Variants in STK24 observed in about 807,000 individuals in gnomAD.
STK24 encodes the protein serine/threonine-protein kinase 24.
A neutral mutation model predicts 55.6 loss-of-function variants in STK24; 21 were observed. The observed-to-expected ratio is 0.38, with a 90% CI of 0.27 to 0.54. The LOEUF is 0.54. Among genes scored for constraint, STK24 ranks in the 20% least tolerant of loss-of-function variants. The probability of loss-of-function intolerance (pLI) is 0.79; values close to 1 mark genes in which losing one functional copy is unlikely to be tolerated. For synonymous variants in STK24, 200 were observed against 215.2 expected, an observed-to-expected ratio of 0.93 and a Z score of 0.62; for missense variants, 383 against 538.4, an observed-to-expected ratio of 0.71 and a Z score of 2.86.
chr13:98,528,461 C>G (rs141494852), intron 1 of STK24, among the ~76,000 whole-genome samples: 106 of 152,260 alleles, frequency 7.0e-4, no homozygotes, highest in African/African-American at 2.5e-3. Context: ...AGGAGAAAAC[C>G]CAAGTGCGAA....
chr13:98,501,395 G>A (rs928515122), intron 2 of STK24, among the ~76,000 whole-genome samples: 13 of 152,160 alleles, frequency 8.5e-5, no homozygotes, highest in East Asian at 1.9e-4. Context: ...CAGGGGCAGC[G>A]AGAGAGACTC....
intron 1 of STK24, among the ~76,000 whole-genome samples, chr13:98,568,907 G>A (rs1202028383): frequency 6.6e-6 from 1 of 152,092 alleles, no homozygotes; most frequent in Non-Finnish European, 1.5e-5. Flanking sequence ...GAGGGCCGAT[G>A]CAGAAGGTTC....
chr13:98,555,735 C>G (rs1204733288), intron 1 of STK24, among the ~76,000 whole-genome samples: 1 of 128,568 alleles, frequency 7.8e-6, no homozygotes, highest in Admixed American at 8.3e-5. Context: ...GACTGGAGTG[C>G]AGTGGCGCAA....
Position 98,560,830 on chromosome 13 carries a change from G to A in STK24, c.42+15915C>T, listed in dbSNP as rs549677486. ...CAGGAGACAGAGGTTGCAGTGAGCCGAGATCACGCCACTGCACTCCACTCC... is the reference window on the plus strand; with the variant it reads ...CAGGAGACAGAGGTTGCAGTGAGCCAAGATCACGCCACTGCACTCCACTCC... On this transcript the variant is annotated intron_variant, in intron 1 of 10. Coordinates refer to ENST00000539966, the MANE Select transcript of STK24 (RefSeq NM_001032296.4). Among the ~76,000 whole-genome samples, 247 of 151,256 alleles carry A rather than the reference G, an allele frequency of 1.6e-3. 1 individual carries two copies. The highest frequency in any genetic ancestry group is 5.4e-3 in the African/African-American group (224 of 41,134).
intron 1 of STK24, among the ~76,000 whole-genome samples, chr13:98,554,717 T>C (rs1897241954): frequency 6.6e-6 from 1 of 152,092 alleles, no homozygotes; most frequent in African/African-American, 2.4e-5. Flanking sequence ...CATTCAAATA[T>C]TAAAGAAAAT....
intron 2 of STK24, among the ~76,000 whole-genome samples, chr13:98,497,521 G>A (rs534648335): frequency 2.0e-5 from 3 of 152,190 alleles, no homozygotes; most frequent in Non-Finnish European, 4.4e-5. Flanking sequence ...AGAGAGGTCA[G>A]AACCTCTTGT....
chr13:98,513,838 G>A (rs533652770), intron 2 of STK24, among the ~76,000 whole-genome samples: 2 of 152,286 alleles, frequency 1.3e-5, no homozygotes, highest in East Asian at 3.9e-4. Flanking sequence ...TGAGGCATAG[G>A]AGAGTTCACC....
chr13:98,525,854 C>G (rs1659126932), intron 1 of STK24, among the ~76,000 whole-genome samples: 1 of 152,210 alleles, frequency 6.6e-6, no homozygotes, highest in South Asian at 2.1e-4. Flanking sequence ...CTGACACATC[C>G]CATGCAGGGT....
rs567392225 is a variant in STK24 at position 98,466,572 on chromosome 13, A to G, written c.598-11T>C. ...GGACCAGATGTCTGCCTGCAACAAG[A>G]AAAGCATCTTTACAAACACCAAGCA... On this transcript the variant is annotated splice_polypyrimidine_tract_variant and intron_variant, in intron 5 of 10. Coordinates refer to ENST00000539966, the MANE Select transcript of STK24 (RefSeq NM_001032296.4). 4 of 1,612,140 alleles carry G rather than the reference A, an allele frequency of 2.5e-6. No individual in the cohort carries two copies. The highest frequency in any genetic ancestry group is 2.7e-5 in the African/African-American group (2 of 75,018).
At chr13:98,500,972 C>T (rs1334429870) in intron 2 of STK24, among the ~76,000 whole-genome samples, 2 of 151,912 alleles carry the variant, frequency 1.3e-5, no homozygotes, top group African/African-American at 2.4e-5. Flanking sequence ...AAAACATGCG[C>T]GTCCATGTCA....
intron 3 of STK24, 91 bp downstream of exon 3, chr13:98,482,174 A>G (rs1291631643): frequency 6.0e-6 from 4 of 670,054 alleles, no homozygotes; most frequent in Non-Finnish European, 9.6e-6. Context: ...AAAGAAAGAA[A>G]AAGAAATGGA....
chr13:98,448,054 G>C lies in STK24; in HGVS notation c.*5119C>G, dbSNP rs1203374267. 4 of 618,398 alleles carry C rather than the reference G, an allele frequency of 6.5e-6. No homozygotes were observed. The highest frequency in any genetic ancestry group is 5.5e-5 in the East Asian group (2 of 36,068). The allele number at this position is 618,398 out of a possible 1,614,324, so 38.3% of individuals were successfully genotyped here. A position where few individuals can be genotyped will look rare whatever the true frequency, so the allele number is the denominator to read the frequency against. On this transcript the variant is annotated 3_prime_UTR_variant, in exon 11 of 11. Coordinates refer to ENST00000539966, the MANE Select transcript of STK24 (RefSeq NM_001032296.4). ...CCACACTGAGTGAGTGCCCAGGCCAGTGGGTCTCCACTGTACCTCAGGAAC... is the reference window on the plus strand; with the variant it reads ...CCACACTGAGTGAGTGCCCAGGCCACTGGGTCTCCACTGTACCTCAGGAAC...
At chr13:98,527,653 GC>G (rs887153533) in intron 1 of STK24, among the ~76,000 whole-genome samples, 23 of 152,128 alleles carry the variant, frequency 1.5e-4, no homozygotes, top group Non-Finnish European at 2.8e-4. Flanking sequence ...GGGCACACAG[GC>G]CCCGCAGGCA....
chr13:98,530,670 G>A (rs1359897285), intron 1 of STK24, among the ~76,000 whole-genome samples: 9 of 152,258 alleles, frequency 5.9e-5, no homozygotes, highest in Non-Finnish European at 1.3e-4. Flanking sequence ...GAAAAGCTGT[G>A]GTGCGCTGCT....
intron 2 of STK24, among the ~76,000 whole-genome samples, chr13:98,505,294 T>G (rs1032969694): frequency 9.9e-5 from 15 of 152,240 alleles, no homozygotes; most frequent in African/African-American, 3.6e-4. Context: ...CTGCTACTTT[T>G]AACGAACCAA....
In STK24 at chr13:98,463,895, G is replaced by A. The variant is rs977200578; in HGVS notation, c.784-59C>T. ...ATGAAGTTCTTGGTCCTACCCCAAA[G>A]GACAGACTTCTGCCTCAAAATGTCA... On this transcript the variant is annotated intron_variant, in intron 6 of 10. Coordinates refer to ENST00000539966, the MANE Select transcript of STK24 (RefSeq NM_001032296.4). 9 of 1,573,514 alleles carry A rather than the reference G, an allele frequency of 5.7e-6. No homozygotes were observed. In the African/African-American group the frequency reaches 1.1e-4, roughly 19 times the overall value.
intron 1 of STK24, among the ~76,000 whole-genome samples, chr13:98,528,514 G>A (rs1427282608): frequency 6.6e-6 from 1 of 152,140 alleles, no homozygotes; most frequent in Non-Finnish European, 1.5e-5. Flanking sequence ...CAATTCCGAA[G>A]CTCTGCCCTT....
chr13:98,472,451 A>C (rs1894189097), intron 5 of STK24, among the ~76,000 whole-genome samples: 1 of 152,204 alleles, frequency 6.6e-6, no homozygotes, highest in South Asian at 2.1e-4. Flanking sequence ...TGATGGTGCA[A>C]CCAAGAGCGG....
At chr13:98,544,381 G>A (rs116660887) in intron 1 of STK24, among the ~76,000 whole-genome samples, 23 of 152,372 alleles carry the variant, frequency 1.5e-4, no homozygotes, top group African/African-American at 5.3e-4. Flanking sequence ...AAGGTTTCCT[G>A]GAAGAGAGGC....
Sources: gnomAD v4.1 joint callset for allele counts (sites outside exome capture counted in the v4.1 genomes callset) on GRCh38, gnomAD v4.1.1 for gene constraint, MANE v1.5 for transcripts, NCBI Gene and HGNC (gene_info 2026-07-23, HGNC 2026-07-21) for gene names.